Variants in CCDC32 observed in about 807,000 individuals in gnomAD.
The protein encoded by CCDC32 is coiled-coil domain-containing protein 32.
CCDC32 carries 9 observed loss-of-function variants against 20.1 expected under a neutral mutation model. The observed-to-expected ratio is 0.45, with a 90% CI of 0.27 to 0.78. CCDC32 has a LOEUF of 0.78. Ranked by LOEUF, CCDC32 falls within the 30% of genes least tolerant of loss-of-function variation. The pLI, the probability that CCDC32 is intolerant of heterozygous loss-of-function variation, is 0.16. For missense variants in CCDC32, 204 were observed against 215.5 expected, an observed-to-expected ratio of 0.95 and a Z score of 0.33; for synonymous variants, 63 against 79.0, an observed-to-expected ratio of 0.80 and a Z score of 1.07.
downstream of CCDC32, among the ~76,000 whole-genome samples, chr15:40,527,520 C>G (rs1894914509): frequency 6.6e-6 from 1 of 152,174 alleles, no homozygotes; most frequent in South Asian, 2.1e-4. Flanking sequence ...ATATTTGTAC[C>G]CTCCAAAACT....
intron 2 of CCDC32, 124 bp downstream of exon 2, chr15:40,562,648 A>G: frequency 1.7e-6 from 2 of 1,166,646 alleles, no homozygotes; most frequent in South Asian, 3.1e-5. Context: ...AGCCGGCTTG[A>G]AACATCCCTT....
chr15:40,524,113 G>A (rs1274228057), downstream of CCDC32, among the ~76,000 whole-genome samples: 1 of 129,030 alleles, frequency 7.8e-6, no homozygotes, highest in African/African-American at 2.8e-5. Context: ...TTTAAAAGAA[G>A]AACAAATTAT....
chr15:40,562,853 C>G lies in CCDC32; in HGVS notation c.163G>C (p.Glu55Gln), dbSNP rs771339067. The G allele has an allele frequency of 1.2e-6, 2 of 1,614,230 alleles. No homozygotes were observed. Among genetic ancestry groups the G allele is most frequent in the South Asian group, 2.2e-5 (2 of 91,086 alleles). The change falls in exon 2 of 4, where the codon GAG (glutamate) becomes CAG (glutamine). Residue 55 changes from glutamate (E) to glutamine (Q), a missense_variant. Physicochemically the swap from Glu to Gln is conservative, Grantham distance 29. Transcript: ENST00000416810. ...DSCPEGEGQR[E>Q]VADFAVQPAV... ...GGCTGGACAGCAAAGTCAGCCACCTCCCTCTGGCCTTCACCTTCAGGGCAA... is the reference window on the plus strand; with the variant it reads ...GGCTGGACAGCAAAGTCAGCCACCTGCCTCTGGCCTTCACCTTCAGGGCAA...
chr15:40,564,652 G>T, intron 1 of CCDC32: 2 of 1,453,512 alleles, frequency 1.4e-6, no homozygotes, highest in Non-Finnish European at 1.9e-6. Flanking sequence ...GTAAAGGCCG[G>T]AAGTAAAAGG....
intron 3 of CCDC32, among the ~76,000 whole-genome samples, chr15:40,554,568 T>G (rs2141634831): frequency 6.6e-6 from 1 of 152,314 alleles, no homozygotes; most frequent in South Asian, 2.1e-4. Flanking sequence ...TGAGGCAGTC[T>G]GGGACTCAAT....
Position 40,543,989 on chromosome 15 carries a change from C to T in CCDC32, c.402-4634G>A, listed in dbSNP as rs573606584. Among the ~76,000 whole-genome samples, 15 of 152,288 alleles carry T rather than the reference C, an allele frequency of 9.8e-5. 1 individual carries two copies. The South Asian group carries it at 3.1e-3, about 32-fold the overall frequency. ...TAGCAGCACATAACACTGCTGACTC[C>T]ATTGAACTGTTAAGACACTGAACAC... On this transcript the variant is annotated intron_variant, in intron 3 of 3. Coordinates refer to the CCDC32 transcript ENST00000558113.
intron 2 of CCDC32, among the ~76,000 whole-genome samples, chr15:40,560,303 C>T (rs1054582492): frequency 4.6e-5 from 7 of 152,038 alleles, no homozygotes; most frequent in Middle Eastern, 3.2e-3. Flanking sequence ...CCACCGTGCC[C>T]GGCCTAGGCA....
chr15:40,539,419 C>G, intron 3 of CCDC32: 1 of 1,376,076 alleles, frequency 7.3e-7, no homozygotes, highest in Non-Finnish European at 1.0e-6. Flanking sequence ...GAGGCACACA[C>G]TAACAGAGTC....
chr15:40,553,046 C>A, downstream of CCDC32: 1 of 921,216 alleles, frequency 1.1e-6, no homozygotes, highest in Non-Finnish European at 1.3e-6. Flanking sequence ...CTCCTGCTGC[C>A]TGGGAACATC....
chr15:40,554,614 G>A (rs1040711303), intron 3 of CCDC32, among the ~76,000 whole-genome samples: 5 of 150,696 alleles, frequency 3.3e-5, no homozygotes, highest in Non-Finnish European at 7.4e-5. Context: ...TTTTTTTTTT[G>A]TGTGGGGTTT....
chr15:40,535,168 G>T, downstream of CCDC32: 1 of 1,162,802 alleles, frequency 8.6e-7, no homozygotes, highest in Non-Finnish European at 1.2e-6. Context: ...TTAACGTGAC[G>T]GTGGCATATA....
chr15:40,563,546 A>G (rs1455234045), intron 1 of CCDC32, among the ~76,000 whole-genome samples: 1 of 152,138 alleles, frequency 6.6e-6, no homozygotes, highest in Non-Finnish European at 1.5e-5. Flanking sequence ...TAATGGGTAC[A>G]CAGTTTCAGT....
At chr15:40,524,347 G>A (rs1357997919), downstream of CCDC32, among the ~76,000 whole-genome samples, 1 of 151,526 alleles carries the variant, frequency 6.6e-6, no homozygotes, top group African/African-American at 2.4e-5. Flanking sequence ...TAGTAGAGAC[G>A]GGGTTTCACC....
chr15:40,534,715 G>A (rs535338152), downstream of CCDC32: 23 of 590,028 alleles, frequency 3.9e-5, no homozygotes, highest in South Asian at 4.2e-4. Context: ...AACTAGCTAG[G>A]TCTCTGGCCC....
At chr15:40,534,694 T>C (rs1245252116), downstream of CCDC32, 4 of 561,986 alleles carry the variant, frequency 7.1e-6, no homozygotes, top group South Asian at 2.1e-5. Flanking sequence ...TATCCTCACA[T>C]GGCAGAAGAG....
At chr15:40,524,203 G>A (rs1894869147), downstream of CCDC32, among the ~76,000 whole-genome samples, 1 of 136,062 alleles carries the variant, frequency 7.3e-6, no homozygotes, top group East Asian at 2.1e-4. Context: ...TGTCGCCCAG[G>A]CTGGAGTGCG....
chr15:40,522,898 C>G, the CCDC32 span, among the ~76,000 whole-genome samples: 1 of 149,488 alleles, frequency 6.7e-6, no homozygotes, highest in Non-Finnish European at 1.5e-5. Context: ...CGCAGTCTCA[C>G]TCACTGCAAC....
intron 1 of CCDC32, 88 bp downstream of exon 1, chr15:40,564,888 C>T: frequency 6.9e-7 from 1 of 1,453,434 alleles, no homozygotes; most frequent in Non-Finnish European, 9.6e-7. Context: ...CGGGATGAAT[C>T]AGGTCCCAAG....
At chr15:40,560,118 T>C (rs1890518414) in intron 2 of CCDC32, among the ~76,000 whole-genome samples, 1 of 152,230 alleles carries the variant, frequency 6.6e-6, no homozygotes, top group African/African-American at 2.4e-5. Flanking sequence ...CAAGCGATTC[T>C]CCTGTCTCAG....
Sources: allele counts gnomAD v4.1 joint callset (sites outside exome capture counted in the v4.1 genomes callset), GRCh38; gene constraint gnomAD v4.1.1; transcripts MANE v1.5; gene names NCBI Gene and HGNC (gene_info 2026-07-23, HGNC 2026-07-21).